Variants in CNTN6 observed in about 807,000 individuals in gnomAD.
CNTN6 encodes contactin 6.
In CNTN6, 137 loss-of-function variants were observed where a neutral mutation model predicts 122.8. The observed-to-expected ratio is 1.12, with a 90% confidence interval of 0.97 to 1.29. The LOEUF (loss-of-function observed/expected upper bound fraction) is 1.29, where lower values mean the gene tolerates loss of function less well. CNTN6 is among the 50% of genes most tolerant of loss of function. The probability of loss-of-function intolerance (pLI) is 0.00; values close to 1 mark genes in which losing one functional copy is unlikely to be tolerated. For synonymous variants in CNTN6, 570 were observed against 426.0 expected (o/e 1.34, Z -4.16); for missense variants, 1,634 against 1,223.4 (o/e 1.34, Z -5.01).
intron 9 of CNTN6, 78 bp downstream of exon 9, chr3:1,326,029 A>G (rs1319043276): frequency 8.0e-7 from 1 of 1,243,768 alleles, no homozygotes; most frequent in Non-Finnish European, 1.1e-6. Flanking sequence ...AGTAACTAAC[A>G]GAAACAGCTA....
intron 14 of CNTN6, 69 bp from the exon 15 acceptor site, chr3:1,373,535 A>T (rs1709397227): frequency 1.4e-6 from 2 of 1,465,490 alleles, no homozygotes; most frequent in Non-Finnish European, 1.9e-6. Flanking sequence ...GTAAAAATAA[A>T]CCATCCTAGT....
chr3:1,298,055 T>C, intron 7 of CNTN6, 64 bp downstream of exon 7: 1 of 1,174,782 alleles, frequency 8.5e-7, no homozygotes, highest in Non-Finnish European at 1.2e-6. Flanking sequence ...TAAAAACCTT[T>C]TTGTTATTCA....
intron 2 of CNTN6, among the ~76,000 whole-genome samples, chr3:1,187,675 C>G (rs2093648695): frequency 2.0e-5 from 3 of 152,102 alleles, no homozygotes; most frequent in Admixed American, 2.0e-4. Context: ...TTTGTGAGGC[C>G]AAGGGAAAAA....
chr3:1,142,947 T>C (rs1575001334), intron 1 of CNTN6, among the ~76,000 whole-genome samples: 1 of 145,810 alleles, frequency 6.9e-6, no homozygotes, highest in Non-Finnish European at 1.5e-5. Context: ...TAAAGATACA[T>C]ATAAATTTGT....
chr3:1,190,638 C>T (rs918479080), intron 2 of CNTN6, among the ~76,000 whole-genome samples: 2 of 152,020 alleles, frequency 1.3e-5, no homozygotes, highest in African/African-American at 4.8e-5. Flanking sequence ...CACATCTCTA[C>T]AGAAAGAAAA....
At chr3:1,372,187 C>A in intron 12 of CNTN6, 112 bp from the exon 13 acceptor site, 2 of 691,594 alleles carry the variant, frequency 2.9e-6, no homozygotes, top group Admixed American at 3.4e-5. Flanking sequence ...TGTAGAACTC[C>A]AGGTTGCATT....
intron 11 of CNTN6, among the ~76,000 whole-genome samples, chr3:1,345,193 T>C (rs1704492031): frequency 6.6e-6 from 1 of 151,972 alleles, no homozygotes; most frequent in Non-Finnish European, 1.5e-5. Flanking sequence ...CTTGGCCTAC[T>C]GCAACCTCCA....
intron 3 of CNTN6, 59 bp downstream of exon 3, chr3:1,220,872 A>G (rs2094198827): frequency 4.0e-6 from 6 of 1,508,966 alleles, no homozygotes; most frequent in Non-Finnish European, 5.3e-6. Flanking sequence ...ACCAAAACAT[A>G]CACAAAATAA....
intron 4 of CNTN6, among the ~76,000 whole-genome samples, chr3:1,242,421 A>G (rs999062331): frequency 2.0e-5 from 3 of 152,104 alleles, no homozygotes; most frequent in Admixed American, 2.0e-4. Flanking sequence ...AATCTGTAAG[A>G]CTTGTCCGGT....
chr3:1,180,175 T>G (rs2093527931), intron 2 of CNTN6, among the ~76,000 whole-genome samples: 2 of 150,200 alleles, frequency 1.3e-5, no homozygotes, highest in South Asian at 4.2e-4. Context: ...GCAAAAAAAA[T>G]GAAAAGAAAG....
At chr3:1,354,461 A>C (rs1166975627) in intron 12 of CNTN6, among the ~76,000 whole-genome samples, 1 of 150,694 alleles carries the variant, frequency 6.6e-6, no homozygotes, top group Non-Finnish European at 1.5e-5. Flanking sequence ...CCCACTAGGC[A>C]TTCCTTGTTA....
At chr3:1,271,716 G>T (rs1490895114) in intron 4 of CNTN6, among the ~76,000 whole-genome samples, 1 of 152,156 alleles carries the variant, frequency 6.6e-6, no homozygotes, top group Non-Finnish European at 1.5e-5. Flanking sequence ...ATTCTTGGGG[G>T]AGAGAAAGCA....
chr3:1,281,344 G>A (rs2125804476), intron 5 of CNTN6, among the ~76,000 whole-genome samples: 1 of 152,122 alleles, frequency 6.6e-6, no homozygotes, highest in Non-Finnish European at 1.5e-5. Context: ...ACAGAGCACT[G>A]TAAAGTAAAT....
intron 2 of CNTN6, among the ~76,000 whole-genome samples, chr3:1,161,289 T>C (rs2093127611): frequency 7.3e-6 from 1 of 136,912 alleles, no homozygotes; most frequent in Non-Finnish European, 1.5e-5. Context: ...TGATAGCAAA[T>C]GCTTACTGGG....
chr3:1,343,528 A>C (rs1704201829), intron 11 of CNTN6, among the ~76,000 whole-genome samples: 1 of 152,166 alleles, frequency 6.6e-6, no homozygotes, highest in African/African-American at 2.4e-5. Context: ...GACTGAATTG[A>C]TTGATAATAT....
intron 4 of CNTN6, among the ~76,000 whole-genome samples, chr3:1,246,092 A>T (rs866724665): frequency 1.3e-5 from 2 of 152,152 alleles, no homozygotes; most frequent in Non-Finnish European, 2.9e-5. Context: ...TATACAGAAA[A>T]GTACAAAAAA....
intron 2 of CNTN6, among the ~76,000 whole-genome samples, chr3:1,150,746 C>T (rs543332418): frequency 3.9e-5 from 6 of 152,110 alleles, no homozygotes; most frequent in Non-Finnish European, 8.8e-5. Flanking sequence ...TACCTGGAAC[C>T]TGTGAGTGCT....
intron 9 of CNTN6, among the ~76,000 whole-genome samples, chr3:1,326,308 T>C (rs1000258264): frequency 6.6e-6 from 1 of 151,788 alleles, no homozygotes; most frequent in Non-Finnish European, 1.5e-5. Flanking sequence ...TGCATTATCT[T>C]ATTGCACCCT....
rs752163590 is a variant in CNTN6, at chr3:1,352,369, C to T, written c.1410C>T (p.Thr470=). The T allele has an allele frequency of 9.5e-6, 15 of 1,578,382 alleles. No homozygotes were observed. In the African/African-American group the frequency reaches 1.5e-4, roughly 16 times the overall value. Residue 470 remains threonine, a synonymous_variant, in exon 12 of 23, where the codon ACC becomes ACT. Transcript: ENST00000446702. ...EDGSLKIYNI[T]RSDAGSYTCI... is the part of the protein sequence containing the mutation. ...GCAGCCTCAAGATATATAATATTACCAGGTCAGATGCTGGATCATATACAT... is the reference window on the plus strand; with the variant it reads ...GCAGCCTCAAGATATATAATATTACTAGGTCAGATGCTGGATCATATACAT...
Sources: gnomAD v4.1 joint callset for allele counts (sites outside exome capture counted in the v4.1 genomes callset) on GRCh38, gnomAD v4.1.1 for gene constraint, MANE v1.5 for transcripts, NCBI Gene and HGNC (gene_info 2026-07-23, HGNC 2026-07-21) for gene names.